The following CLIC5 variants were observed in gnomAD, a reference collection of about 807,000 sequenced individuals.
CLIC5 encodes CLIC family member 5, also known as chloride intracellular channel protein 5.
Under a neutral mutation model 24.7 loss-of-function variants are expected in CLIC5, and 20 were observed. The observed-to-expected ratio is 0.81, with a 90% CI of 0.57 to 1.18. The LOEUF is 1.18. Ranked by LOEUF, CLIC5 falls within the 50% of genes most tolerant of loss-of-function variation. The pLI, the probability that CLIC5 is intolerant of heterozygous loss-of-function variation, is 0.00. For missense variants in CLIC5, 341 were observed against 326.1 expected (o/e 1.05, Z -0.35); for synonymous variants, 159 against 135.6 (o/e 1.17, Z -1.20).
At chr6:45,965,520 C>T (rs1452240689) in intron 1 of CLIC5, among the ~76,000 whole-genome samples, 1 of 152,142 alleles carries the variant, frequency 6.6e-6, no homozygotes, top group East Asian at 1.9e-4. Flanking sequence ...GTACTGTCAT[C>T]CTATTCTTTA....
the CLIC5 span, among the ~76,000 whole-genome samples, chr6:46,091,063 C>T: frequency 6.6e-6 from 1 of 152,328 alleles, no homozygotes; most frequent in South Asian, 2.1e-4. Flanking sequence ...CGAAGTTGCT[C>T]TGAACCTATT....
chr6:46,128,118 A>G, the CLIC5 span, among the ~76,000 whole-genome samples: 1 of 152,150 alleles, frequency 6.6e-6, no homozygotes, highest in Admixed American at 6.5e-5. Context: ...GAAATGGTAA[A>G]TATATAGAGG....
At chr6:46,095,749 G>A in the CLIC5 span, among the ~76,000 whole-genome samples, 24,417 of 152,072 alleles carry the variant, frequency 0.16, 2,197 homozygotes, top group South Asian at 0.34. Context: ...ACTTTCCCCC[G>A]TCTTCCTATC....
chr6:46,083,074 A>G (rs959839529), upstream of CLIC5, among the ~76,000 whole-genome samples: 5 of 152,250 alleles, frequency 3.3e-5, no homozygotes, highest in African/African-American at 1.2e-4. Context: ...GTTTCACGAG[A>G]ACAAGGCCCA....
intron 1 of CLIC5, chr6:46,079,663 T>C (rs758858055): frequency 6.7e-6 from 10 of 1,491,788 alleles, no homozygotes; most frequent in South Asian, 6.4e-5. Flanking sequence ...AGCCATAATA[T>C]CTGCATGAAC....
At chr6:46,017,475 T>C (rs1005551164), upstream of CLIC5, among the ~76,000 whole-genome samples, 1 of 152,192 alleles carries the variant, frequency 6.6e-6, no homozygotes, top group Non-Finnish European at 1.5e-5. Context: ...TCCCTAGTCA[T>C]TCAGCTAGGA....
At chr6:46,045,295 T>C (rs949761992) in intron 1 of CLIC5, among the ~76,000 whole-genome samples, 2 of 152,254 alleles carry the variant, frequency 1.3e-5, no homozygotes, top group Non-Finnish European at 2.9e-5. Flanking sequence ...TCTATAATTT[T>C]ACCACCTGGT....
At position 45,902,830 on chromosome 6, in the gene CLIC5, A is replaced by C. The variant is rs1762544740; in HGVS notation, c.*258T>G. On this transcript the variant is annotated 3_prime_UTR_variant, in exon 6 of 6. Transcript: ENST00000339561. ...TCTCCAACACTGACTGACCCCAAACATGCTGAGCCCAGATCAGGCTGGCCG... is the reference window on the plus strand; with the variant it reads ...TCTCCAACACTGACTGACCCCAAACCTGCTGAGCCCAGATCAGGCTGGCCG... 2 of 499,306 alleles carry C rather than the reference A, an allele frequency of 4.0e-6. No individual in the cohort carries two copies. The highest frequency in any genetic ancestry group is 7.1e-6 in the Non-Finnish European group (2 of 280,730). 30.9% of individuals were successfully genotyped at this position (499,306 alleles called of 1,614,324 possible).
At chr6:45,982,043 G>A (rs1191812565) in intron 1 of CLIC5, among the ~76,000 whole-genome samples, 1 of 151,996 alleles carries the variant, frequency 6.6e-6, no homozygotes, top group Admixed American at 6.6e-5. Flanking sequence ...GACAGTCAAG[G>A]ATGACACTGA....
chr6:45,993,851 C>A (rs1049680833), intron 1 of CLIC5, among the ~76,000 whole-genome samples: 1 of 152,212 alleles, frequency 6.6e-6, no homozygotes, highest in Admixed American at 6.5e-5. Context: ...CTTTCTATAG[C>A]AAGCCCTGCG....
the CLIC5 span, among the ~76,000 whole-genome samples, chr6:46,122,331 C>G: frequency 6.6e-6 from 1 of 152,222 alleles, no homozygotes; most frequent in East Asian, 1.9e-4. Flanking sequence ...TGAATGACTA[C>G]TGGGTACATA....
chr6:45,991,369 G>C (rs543224810), intron 1 of CLIC5, among the ~76,000 whole-genome samples: 53 of 152,132 alleles, frequency 3.5e-4, no homozygotes, highest in Non-Finnish European at 6.5e-4. Context: ...AGGGGCTGAG[G>C]GCCTCAATCC....
At chr6:45,946,460 G>T (rs1386707375) in intron 3 of CLIC5, among the ~76,000 whole-genome samples, 1 of 152,196 alleles carries the variant, frequency 6.6e-6, no homozygotes, top group East Asian at 1.9e-4. Context: ...AAAAAATAAA[G>T]CTAAGGGAAA....
Position 45,959,372 on chromosome 6 carries a change from AAC to A in CLIC5, c.64-4130_64-4129del, listed in dbSNP as rs572438258. On this transcript the variant is annotated intron_variant, in intron 1 of 5. Transcript: ENST00000339561. ...TGTCTATTAACATACACAACATCTT[AAC>A]ACAAAATAACTATATTTTCTAAAAA... 3.6e-3 allele frequency among the ~76,000 whole-genome samples: 545 copies of A among 152,378 alleles called. 7 individuals are homozygous for A. The highest frequency in any genetic ancestry group is 0.012 in the African/African-American group (500 of 41,588).
At chr6:45,992,802 A>G (rs192681201) in intron 1 of CLIC5, among the ~76,000 whole-genome samples, 11 of 152,320 alleles carry the variant, frequency 7.2e-5, no homozygotes, top group Admixed American at 5.9e-4. Flanking sequence ...CTGTATGTAT[A>G]TATTTATGCC....
chr6:45,958,777 T>C (rs1018754013), intron 1 of CLIC5, among the ~76,000 whole-genome samples: 2 of 151,962 alleles, frequency 1.3e-5, no homozygotes, highest in East Asian at 3.9e-4. Flanking sequence ...CAAAACATAG[T>C]TGAAGTTTTA....
intron 1 of CLIC5, among the ~76,000 whole-genome samples, chr6:45,970,790 C>T (rs1168723652): frequency 6.6e-6 from 1 of 151,984 alleles, no homozygotes; most frequent in East Asian, 1.9e-4. Context: ...TGAATGTGCC[C>T]TTGAGCAAGT....
intron 1 of CLIC5, among the ~76,000 whole-genome samples, chr6:45,990,600 C>T (rs1765902401): frequency 6.6e-6 from 1 of 152,204 alleles, no homozygotes. Context: ...ACTGCAGTTT[C>T]TTCTGAAAAC....
chr6:46,109,512 C>CAA, the CLIC5 span, among the ~76,000 whole-genome samples: 1 of 26,636 alleles, frequency 3.8e-5, no homozygotes. Flanking sequence ...ACAGTCTCCA[C>CAA]TAAAAAAAAA....
Sources: gnomAD v4.1 joint callset for allele counts (sites outside exome capture counted in the v4.1 genomes callset) on GRCh38, gnomAD v4.1.1 for gene constraint, MANE v1.5 for transcripts, NCBI Gene and HGNC (gene_info 2026-07-23, HGNC 2026-07-21) for gene names.